Variants in ANO4 observed in about 807,000 individuals in gnomAD.
ANO4 encodes anoctamin 4.
ANO4 carries 69 observed loss-of-function variants against 141.9 expected under a neutral mutation model. The observed-to-expected ratio is 0.49, with a 90% CI of 0.40 to 0.59. ANO4 has a LOEUF of 0.59. ANO4 is among the 20% of genes least tolerant of loss of function. The pLI, the probability that ANO4 is intolerant of heterozygous loss-of-function variation, is 0.00. For synonymous variants in ANO4, 350 were observed against 394.3 expected (o/e 0.89, Z 1.33); for missense variants, 894 against 1,162.2 (o/e 0.77, Z 3.36).
At chr12:101,033,663 C>T (rs1455639022) in intron 9 of ANO4, among the ~76,000 whole-genome samples, 2 of 152,040 alleles carry the variant, frequency 1.3e-5, no homozygotes, top group African/African-American at 4.8e-5. Context: ...AACTAAAGAG[C>T]TTCTGCACAG....
chr12:100,863,623 G>A (rs2038596020), intron 1 of ANO4, among the ~76,000 whole-genome samples: 1 of 151,804 alleles, frequency 6.6e-6, no homozygotes, highest in Non-Finnish European at 1.5e-5. Flanking sequence ...GGCTAACTTA[G>A]TATATTATGT....
At chr12:100,882,063 A>G (rs1593620097) in intron 1 of ANO4, among the ~76,000 whole-genome samples, 1 of 152,220 alleles carries the variant, frequency 6.6e-6, no homozygotes, top group Non-Finnish European at 1.5e-5. Flanking sequence ...TGTTAATGAT[A>G]ATAATACCAA....
At chr12:101,035,669 G>C (rs1371981484) in intron 9 of ANO4, among the ~76,000 whole-genome samples, 1 of 152,184 alleles carries the variant, frequency 6.6e-6, no homozygotes, top group Non-Finnish European at 1.5e-5. Context: ...TGTCCATAAT[G>C]AAGCTTCTGA....
chr12:100,937,601 G>T (rs2042338905), intron 3 of ANO4, among the ~76,000 whole-genome samples: 1 of 152,042 alleles, frequency 6.6e-6, no homozygotes, highest in African/African-American at 2.4e-5. Flanking sequence ...AGCCTTATAG[G>T]TCTAAAATCC....
chr12:100,948,700 G>T (rs1306391175), intron 5 of ANO4, among the ~76,000 whole-genome samples: 2 of 152,164 alleles, frequency 1.3e-5, no homozygotes, highest in African/African-American at 4.8e-5. Context: ...GCGAATGATA[G>T]CATTCTGTGT....
chr12:101,106,735 C>T (rs557757943), intron 22 of ANO4, among the ~76,000 whole-genome samples: 4 of 151,498 alleles, frequency 2.6e-5, no homozygotes, highest in African/African-American at 4.8e-5. Context: ...AGATATTAAG[C>T]AGGTATGACA....
intron 3 of ANO4, chr12:100,740,156 C>G (rs1305058441): frequency 1.4e-6 from 1 of 689,792 alleles, no homozygotes; most frequent in Non-Finnish European, 2.7e-6. Context: ...GTATAAGATT[C>G]CTTCATGCAT....
intron 1 of ANO4, among the ~76,000 whole-genome samples, chr12:100,802,722 G>A (rs2034769656): frequency 6.6e-6 from 1 of 152,164 alleles, no homozygotes; most frequent in Admixed American, 6.5e-5. Flanking sequence ...CAGAGTGGGA[G>A]GGGGAGACAG....
intron 5 of ANO4, among the ~76,000 whole-genome samples, chr12:100,949,569 A>G (rs1000639707): frequency 6.6e-5 from 10 of 152,230 alleles, no homozygotes; most frequent in Non-Finnish European, 1.2e-4. Flanking sequence ...GCTAAATACA[A>G]CGTGTTAACA....
intron 3 of ANO4, among the ~76,000 whole-genome samples, chr12:100,756,886 AT>A (rs1222059876): frequency 6.6e-6 from 1 of 151,698 alleles, no homozygotes. Flanking sequence ...CACTACCCCT[AT>A]TTCACCTGCA....
intron 5 of ANO4, among the ~76,000 whole-genome samples, chr12:100,949,668 G>A (rs2042890532): frequency 6.6e-6 from 1 of 152,126 alleles, no homozygotes; most frequent in South Asian, 2.1e-4. Flanking sequence ...ATTAGGAATA[G>A]CAACATCAGT....
At chr12:100,806,522 T>G in intron 1 of ANO4, among the ~76,000 whole-genome samples, 1 of 91,656 alleles carries the variant, frequency 1.1e-5, no homozygotes. Flanking sequence ...TTTTTTTGTT[T>G]CGTTTTTTTT....
At chr12:101,014,569 C>T (rs1295515786) in intron 8 of ANO4, among the ~76,000 whole-genome samples, 3 of 152,178 alleles carry the variant, frequency 2.0e-5, no homozygotes, top group Non-Finnish European at 4.4e-5. Flanking sequence ...TCACAGTTCC[C>T]TTCACAAACG....
chr12:100,792,744 A>G (rs556820687), upstream of ANO4, among the ~76,000 whole-genome samples: 1 of 152,312 alleles, frequency 6.6e-6, no homozygotes, highest in South Asian at 2.1e-4. Flanking sequence ...AATGCTGTGT[A>G]TTCAAGGTAT....
chr12:100,942,305 T>A lies in ANO4; in HGVS notation c.298-72T>A, dbSNP rs1443732569. Reference sequence around the variant, plus strand: ...GAAAAAAGTTATTTAGTTTTAATTGTTCTTTAACATTACTCACTTGAACCT... The same window carrying A: ...GAAAAAAGTTATTTAGTTTTAATTGATCTTTAACATTACTCACTTGAACCT... On this transcript the variant is annotated intron_variant, in intron 4 of 27. Coordinates refer to ENST00000392977, the MANE Select transcript of ANO4 (RefSeq NM_001286615.2). 65 of 1,527,512 alleles carry A rather than the reference T, an allele frequency of 4.3e-5. 3 individuals are homozygous for A. The South Asian group carries it at 7.7e-4, about 18-fold the overall frequency. The allele number at this position is 1,527,512 out of a possible 1,614,324, so 94.6% of individuals were successfully genotyped here.
intron 1 of ANO4, among the ~76,000 whole-genome samples, chr12:100,801,240 C>T (rs1341021384): frequency 1.3e-5 from 2 of 152,150 alleles, no homozygotes; most frequent in African/African-American, 4.8e-5. Flanking sequence ...AGATGGGAAT[C>T]ACCATCTAAA....
chr12:100,776,362 C>T (rs977291236), intron 3 of ANO4, among the ~76,000 whole-genome samples: 5 of 152,118 alleles, frequency 3.3e-5, no homozygotes, highest in African/African-American at 7.2e-5. Context: ...CTCTCCAGAC[C>T]GACCCCAGAG....
intron 1 of ANO4, among the ~76,000 whole-genome samples, chr12:100,812,680 T>C (rs1291609709): frequency 6.6e-6 from 1 of 152,130 alleles, no homozygotes; most frequent in Non-Finnish European, 1.5e-5. Flanking sequence ...AGAACAGGCT[T>C]ATGGGGGTAA....
intron 2 of ANO4, among the ~76,000 whole-genome samples, chr12:100,906,688 A>G (rs1194598567): frequency 1.3e-5 from 2 of 152,188 alleles, no homozygotes; most frequent in African/African-American, 2.4e-5. Context: ...AAATAAGGGA[A>G]CATGATCTGG....
Sources: gnomAD v4.1 joint callset for allele counts (sites outside exome capture counted in the v4.1 genomes callset) on GRCh38, gnomAD v4.1.1 for gene constraint, MANE v1.5 for transcripts, NCBI Gene and HGNC (gene_info 2026-07-23, HGNC 2026-07-21) for gene names.